HS6ST2: variants seen among roughly 807,000 people sequenced by gnomAD.
The protein encoded by HS6ST2 is heparan sulfate 6-O-sulfotransferase 2.
In HS6ST2, 17 loss-of-function variants were observed where a neutral mutation model predicts 33.0. The ratio of observed to expected loss-of-function variants is 0.52; its 90% CI spans 0.35 to 0.77. The LOEUF is 0.77. HS6ST2 is among the 30% of genes least tolerant of loss of function. HS6ST2 has a pLI of 0.01. For missense variants in HS6ST2, 519 were observed against 551.7 expected (o/e 0.94, Z 0.59); for synonymous variants, 248 against 237.1 (o/e 1.05, Z -0.42).
At chrX:132,831,388 A>G (rs1602726487) in intron 2 of HS6ST2, among the ~76,000 whole-genome samples, 1 of 111,458 alleles carries the variant, frequency 9.0e-6, no homozygotes, top group African/African-American at 3.3e-5. Context: ...ATAGCCTTCC[A>G]GTTTCCAGAA....
intron 2 of HS6ST2, among the ~76,000 whole-genome samples, chrX:132,754,018 T>C (rs769528087): frequency 1.1e-4 from 12 of 112,080 alleles, no homozygotes; most frequent in Admixed American, 1.0e-3. Flanking sequence ...CTAAAGTCTA[T>C]GCTTTATTTA....
At chrX:132,735,459 G>A (rs775206273) in intron 2 of HS6ST2, 4 of 112,079 alleles carry the variant, frequency 3.6e-5, no homozygotes, top group South Asian at 3.8e-4. Context: ...AAAAAAGCAC[G>A]CAAGACACCA....
intron 2 of HS6ST2, among the ~76,000 whole-genome samples, chrX:132,811,696 A>G (rs922209000): frequency 1.2e-5 from 1 of 81,228 alleles, no homozygotes; most frequent in African/African-American, 4.5e-5. Context: ...ATATATATAT[A>G]TATATATATA....
chrX:132,669,079 T>C (rs751472435), intron 4 of HS6ST2, 34 bp downstream of exon 4: 5 of 964,547 alleles, frequency 5.2e-6, no homozygotes, highest in Non-Finnish European at 5.9e-6. Context: ...TTTTGACAGC[T>C]ATGTCAGATG....
At chrX:132,750,347 GAAAAA>G (rs1156312851) in intron 2 of HS6ST2, among the ~76,000 whole-genome samples, 13 of 56,413 alleles carry the variant, frequency 2.3e-4, no homozygotes, top group African/African-American at 5.5e-4. Context: ...TGCCCATCAA[GAAAAA>G]AAAAAAAAAA....
intron 2 of HS6ST2, among the ~76,000 whole-genome samples, chrX:132,952,627 A>T (rs2067025856): frequency 9.0e-6 from 1 of 111,038 alleles, no homozygotes; most frequent in Non-Finnish European, 1.9e-5. Context: ...CCCACAATTA[A>T]AAAAAAATAG....
intron 2 of HS6ST2, among the ~76,000 whole-genome samples, chrX:132,941,168 C>T (rs1392652593): frequency 8.9e-6 from 1 of 111,762 alleles, no homozygotes; most frequent in Non-Finnish European, 1.9e-5. Context: ...TACATACGAA[C>T]ACTGTATGTA....
intron 2 of HS6ST2, among the ~76,000 whole-genome samples, chrX:132,797,598 G>A (rs184268682): frequency 8.9e-6 from 1 of 112,249 alleles, no homozygotes; most frequent in African/African-American, 3.2e-5. Flanking sequence ...ATGCACATGT[G>A]TGTGCATTAG....
At chrX:132,867,749 C>T (rs1300075149) in intron 2 of HS6ST2, among the ~76,000 whole-genome samples, 2 of 111,603 alleles carry the variant, frequency 1.8e-5, no homozygotes, top group African/African-American at 6.5e-5. Context: ...GAGATTTTGT[C>T]ACCAATAGGC....
At position 132,627,320 on chromosome X, in the gene HS6ST2, T is replaced by A. The variant is rs1163245008; in HGVS notation, c.*903A>T. 3 of 112,328 alleles carry A rather than the reference T, an allele frequency of 2.7e-5. No individual in the cohort carries two copies. In the Admixed American group the frequency reaches 2.8e-4, roughly 11 times the overall value. 9.3% of individuals were successfully genotyped at this position (112,328 alleles called of 1,213,427 possible). ...ATCCAGGATTATATACCACAATAAC[T>A]TCAGCAACACACCATTTAGATGATG... On this transcript the variant is annotated 3_prime_UTR_variant, in exon 5 of 5. Transcript: ENST00000370833.
chrX:132,730,670 C>A (rs2064448768), intron 2 of HS6ST2, among the ~76,000 whole-genome samples: 1 of 112,594 alleles, frequency 8.9e-6, no homozygotes. Flanking sequence ...CTTTGTGCCT[C>A]CTGCCCTCTG....
intron 2 of HS6ST2, among the ~76,000 whole-genome samples, chrX:132,951,816 T>C (rs1025886978): frequency 2.7e-5 from 3 of 112,455 alleles, no homozygotes; most frequent in African/African-American, 9.7e-5. Flanking sequence ...GACTTTTGTC[T>C]ATTTTTTGTA....
At chrX:132,669,324 A>ATCTC (rs10550199) in intron 3 of HS6ST2, 125 bp from the exon 4 acceptor site, 22 of 343,082 alleles carry the variant, frequency 6.4e-5, no homozygotes, top group African/African-American at 2.7e-4. Flanking sequence ...CCCCTGGCCA[A>ATCTC]TCTCTCTCTC....
At chrX:132,811,749 A>G (rs2065348656) in intron 2 of HS6ST2, among the ~76,000 whole-genome samples, 1 of 85,454 alleles carries the variant, frequency 1.2e-5, no homozygotes, top group Non-Finnish European at 2.2e-5. Context: ...TACAGTCTTG[A>G]TACAGGCATG....
In HS6ST2 at chrX:132,957,205, G is replaced by C; in HGVS notation, c.550C>G (p.Gln184Glu). Residue 184 changes from glutamine to glutamate, a missense_variant, in exon 2 of 5, where the codon CAG becomes GAG. By Grantham distance (29) the Gln-to-Glu change is conservative. Transcript: ENST00000370833. ...PGTECQLLRLQAFSSPVPDPY... is the reference protein window; with the variant it reads ...PGTECQLLRLEAFSSPVPDPY... Reference sequence around the variant, plus strand: ...TCCGGCACCGGGGAGCTGAACGCCTGCAGGCGGAGGAGCTGGCATTCTGTG... The same window carrying C: ...TCCGGCACCGGGGAGCTGAACGCCTCCAGGCGGAGGAGCTGGCATTCTGTG... The C allele has an allele frequency of 8.3e-7, 1 of 1,210,767 alleles. No homozygotes were observed. Among genetic ancestry groups the C allele is most frequent in the Non-Finnish European group, 1.1e-6 (1 of 894,819 alleles).
chrX:132,840,605 A>T (rs2065699165), intron 2 of HS6ST2, among the ~76,000 whole-genome samples: 1 of 111,846 alleles, frequency 8.9e-6, no homozygotes, highest in Non-Finnish European at 1.9e-5. Context: ...TGCCTGATAC[A>T]TTTTGGAAGC....
At chrX:132,657,024 G>A (rs2063735148) in intron 4 of HS6ST2, among the ~76,000 whole-genome samples, 1 of 111,457 alleles carries the variant, frequency 9.0e-6, no homozygotes, top group Non-Finnish European at 1.9e-5. Flanking sequence ...TCATCTGCTA[G>A]AAGCCAGAAT....
intron 3 of HS6ST2, among the ~76,000 whole-genome samples, chrX:132,707,321 A>G (rs1221132385): frequency 8.9e-6 from 1 of 112,457 alleles, no homozygotes; most frequent in Non-Finnish European, 1.9e-5. Flanking sequence ...ATGTTCTCCC[A>G]TACTAATACT....
chrX:132,702,752 T>A (rs142845688), intron 3 of HS6ST2, among the ~76,000 whole-genome samples: 4 of 111,476 alleles, frequency 3.6e-5, no homozygotes, highest in African/African-American at 1.3e-4. Flanking sequence ...CCACTCCCTA[T>A]GATAATCTTG....
Sources: allele counts gnomAD v4.1 joint callset (sites outside exome capture counted in the v4.1 genomes callset), GRCh38; gene constraint gnomAD v4.1.1; transcripts MANE v1.5; gene names NCBI Gene and HGNC (gene_info 2026-07-23, HGNC 2026-07-21).